Variants in GRB2 observed in about 807,000 individuals in gnomAD.
GRB2 encodes growth factor receptor bound protein 2, also known as growth factor receptor-bound protein 2.
In GRB2, 2 loss-of-function variants were observed where a neutral mutation model predicts 27.4. The ratio of observed to expected loss-of-function variants is 0.07; its 90% confidence interval spans 0.03 to 0.23. GRB2 has a LOEUF of 0.23. Among genes scored for constraint, GRB2 ranks in the 10% least tolerant of loss-of-function variants. GRB2 has a pLI of 1.00. For synonymous variants in GRB2, 94 were observed against 99.6 expected (o/e 0.94, Z 0.33); for missense variants, 102 against 282.4 (o/e 0.36, Z 4.58).
chr17:75,369,716 G>A (rs1412055966), intron 2 of GRB2, among the ~76,000 whole-genome samples: 2 of 146,468 alleles, frequency 1.4e-5, no homozygotes, highest in Admixed American at 6.9e-5. Context: ...AAAATTAGCC[G>A]GGTGTGGGGG....
rs572680438 is a variant in GRB2 at position 75,340,762 on chromosome 17, CATCT to C, written c.79-7969_79-7966del. ...ATAAGTGCTTCACAATCACCACCTCCATCTGTTACAGTTTTTCTGCAACATGAAA... is the reference window on the plus strand; with the variant it reads ...ATAAGTGCTTCACAATCACCACCTCCGTTACAGTTTTTCTGCAACATGAAA... On this transcript the variant is annotated intron_variant, in intron 2 of 5. Coordinates refer to ENST00000316804, the MANE Select transcript of GRB2 (RefSeq NM_002086.5). 7.4e-3 allele frequency among the ~76,000 whole-genome samples: 1,120 copies of C among 152,300 alleles called. 7 individuals are homozygous for C. Among genetic ancestry groups the C allele is most frequent in the African/African-American group, 0.025 (1,037 of 41,546 alleles).
chr17:75,375,517 A>G (rs115050362), intron 2 of GRB2, among the ~76,000 whole-genome samples: 130 of 152,374 alleles, frequency 8.5e-4, no homozygotes, highest in African/African-American at 3.0e-3. Context: ...ACCAGATGGT[A>G]GGCCATAAAA....
Position 75,368,094 on chromosome 17 carries a change from T to C in GRB2, c.78+25457A>G, listed in dbSNP as rs569372084. ...CACGCCTGGCTAATTTTTGTACTTT[T>C]TGTAGAGACGGAGTTTTGCCATGTT... On this transcript the variant is annotated intron_variant, in intron 2 of 5. Coordinates refer to ENST00000316804, the MANE Select transcript of GRB2 (RefSeq NM_002086.5). 2.0e-5 allele frequency among the ~76,000 whole-genome samples: 3 copies of C among 152,314 alleles called. No homozygotes were observed. In the East Asian group the frequency reaches 5.8e-4, roughly 29 times the overall value.
At chr17:75,353,485 G>A (rs372842661) in intron 2 of GRB2, among the ~76,000 whole-genome samples, 27 of 151,422 alleles carry the variant, frequency 1.8e-4, no homozygotes, top group South Asian at 1.3e-3. Flanking sequence ...CATTTTTACC[G>A]GGCGCGGTGG....
chr17:75,365,170 C>T (rs1309299628), intron 2 of GRB2, among the ~76,000 whole-genome samples: 1 of 152,020 alleles, frequency 6.6e-6, no homozygotes. Flanking sequence ...TGTCCGACAC[C>T]AACCCCACTG....
chr17:75,376,116 G>A (rs2078891747), intron 2 of GRB2, among the ~76,000 whole-genome samples: 1 of 151,682 alleles, frequency 6.6e-6, no homozygotes, highest in Non-Finnish European at 1.5e-5. Context: ...GCCAAGGCAG[G>A]CGGATTGGCT....
intron 2 of GRB2, among the ~76,000 whole-genome samples, chr17:75,356,260 T>C (rs896011093): frequency 6.6e-6 from 1 of 152,176 alleles, no homozygotes; most frequent in Admixed American, 6.5e-5. Flanking sequence ...TTCATGCCTG[T>C]AATTCCAACA....
chr17:75,318,738 GCTGCC>G lies in GRB2; in HGVS notation c.*1625_*1629del, dbSNP rs2078434077. 6.6e-6 allele frequency: 1 copy of G among 152,240 alleles called. No homozygotes were observed. Among genetic ancestry groups the G allele is most frequent in the South Asian group, 2.1e-4 (1 of 4,826 alleles). 9.4% of individuals were successfully genotyped at this position (152,240 alleles called of 1,614,324 possible). Reference sequence around the variant, plus strand: ...ACAAGCAGCACTCCAGCTTCCCAGTGCTGCCCTCACACTCACCTGGACAGGTCAGG... The same window carrying G: ...ACAAGCAGCACTCCAGCTTCCCAGTGCTCACACTCACCTGGACAGGTCAGG... On this transcript the variant is annotated 3_prime_UTR_variant, in exon 6 of 6. Coordinates refer to ENST00000316804, the MANE Select transcript of GRB2 (RefSeq NM_002086.5).
intron 2 of GRB2, among the ~76,000 whole-genome samples, chr17:75,364,276 T>C (rs1167890164): frequency 6.6e-6 from 1 of 152,226 alleles, no homozygotes; most frequent in African/African-American, 2.4e-5. Context: ...TGTGGTTTTA[T>C]TACATACCTA....
At chr17:75,385,044 A>C (rs1337397085) in intron 2 of GRB2, among the ~76,000 whole-genome samples, 9 of 85,060 alleles carry the variant, frequency 1.1e-4, no homozygotes, top group African/African-American at 2.5e-4. Context: ...AAAAAAAAAA[A>C]AAAAAAAAAA....
intron 3 of GRB2, among the ~76,000 whole-genome samples, chr17:75,327,148 G>A (rs1453366751): frequency 7.3e-6 from 1 of 136,400 alleles, no homozygotes; most frequent in Non-Finnish European, 1.5e-5. Flanking sequence ...CTCACTGCAA[G>A]CTCTGCCTCC....
chr17:75,387,870 CTG>C (rs2078974822), intron 2 of GRB2: 1 of 151,944 alleles, frequency 6.6e-6, no homozygotes, highest in Non-Finnish European at 1.5e-5. Context: ...AGAGGTGAAA[CTG>C]AAAGATTCTG....
intron 2 of GRB2, among the ~76,000 whole-genome samples, chr17:75,388,587 G>C (rs1026082999): frequency 6.8e-6 from 1 of 146,514 alleles, no homozygotes; most frequent in African/African-American, 2.5e-5. Flanking sequence ...AAATAGTGGG[G>C]GGGGGGAAGA....
In GRB2 at chr17:75,320,366, T is replaced by C. The variant is rs182453033; in HGVS notation, c.*2A>G. ...TTTCTTTAAATAATTGCTTCTTGAC[T>C]CTTAGACGTTCCGGTTCACGGGGGT... On this transcript the variant is annotated 3_prime_UTR_variant, in exon 6 of 6. Transcript: ENST00000316804. The surrounding 1 kb of genome is among the most constrained non-coding windows in gnomAD (Gnocchi z 4.3). 7 of 1,612,668 alleles carry C rather than the reference T, an allele frequency of 4.3e-6. No homozygotes were observed. The East Asian group carries it at 1.3e-4, about 31-fold the overall frequency.
intron 3 of GRB2, among the ~76,000 whole-genome samples, chr17:75,331,570 T>C (rs772351133): frequency 1.6e-4 from 24 of 152,188 alleles, no homozygotes; most frequent in Non-Finnish European, 2.9e-4. Context: ...TCTGAAAATA[T>C]GAAAACAAAA....
At chr17:75,362,850 A>G (rs908421694) in intron 2 of GRB2, among the ~76,000 whole-genome samples, 3 of 152,216 alleles carry the variant, frequency 2.0e-5, no homozygotes, top group African/African-American at 7.2e-5. Context: ...CCCAATTACT[A>G]ATATGACAAA....
chr17:75,403,769 A>G (rs780628926), intron 1 of GRB2, among the ~76,000 whole-genome samples: 3 of 151,992 alleles, frequency 2.0e-5, no homozygotes, highest in African/African-American at 7.3e-5. Context: ...GTCTCAAAAA[A>G]ATAAAATAAA....
At chr17:75,324,366 ATTTTTTTTTTTTT>A (rs1156329058) in intron 4 of GRB2, among the ~76,000 whole-genome samples, 1 of 93,630 alleles carries the variant, frequency 1.1e-5, no homozygotes, top group African/African-American at 3.7e-5. Context: ...CCATTTTTGT[ATTTTTTTTTTTTT>A]TTTTTTTTTT....
chr17:75,405,230 G>C (rs1270762231), intron 1 of GRB2: 1 of 152,254 alleles, frequency 6.6e-6, no homozygotes, highest in Non-Finnish European at 1.5e-5. Flanking sequence ...TGAAGGCAGG[G>C]GACCTCGCCA....
Sources: allele counts gnomAD v4.1 joint callset (sites outside exome capture counted in the v4.1 genomes callset), GRCh38; gene constraint gnomAD v4.1.1; non-coding constraint Gnocchi (gnomAD v3.1); transcripts MANE v1.5; gene names NCBI Gene and HGNC (gene_info 2026-07-23, HGNC 2026-07-21).